The following XXYLT1 variants were observed in gnomAD, a reference collection of about 807,000 sequenced individuals.
XXYLT1 encodes UDP-xylose:alpha-xyloside alpha-1,3-xylosyltransferase.
In XXYLT1, 20 loss-of-function variants were observed where a neutral mutation model predicts 28.9. That is an observed-to-expected ratio of 0.69 (90% CI 0.49 to 1.00). XXYLT1 has a LOEUF of 1.00. XXYLT1 is among the 50% of genes least tolerant of loss of function. XXYLT1 has a pLI of 0.00. For missense variants in XXYLT1, 542 were observed against 560.1 expected (o/e 0.97, Z 0.33); for synonymous variants, 257 against 253.8 (o/e 1.01, Z -0.12).
chr3:195,248,747 G>A (rs1006583140), intron 1 of XXYLT1, among the ~76,000 whole-genome samples: 18 of 152,126 alleles, frequency 1.2e-4, no homozygotes, highest in Admixed American at 3.3e-4. Flanking sequence ...GTGAAACGCC[G>A]TCTCTACTAA....
intron 2 of XXYLT1, among the ~76,000 whole-genome samples, chr3:195,158,963 T>G (rs751143893): frequency 6.6e-6 from 1 of 152,168 alleles, no homozygotes; most frequent in Non-Finnish European, 1.5e-5. Context: ...CACAGAACGC[T>G]GAAGGCTTTG....
chr3:195,243,300 G>A (rs1163343097), intron 1 of XXYLT1, among the ~76,000 whole-genome samples: 1 of 151,250 alleles, frequency 6.6e-6, no homozygotes, highest in Non-Finnish European at 1.5e-5. Context: ...CATGGCACAT[G>A]TATACATATG....
chr3:195,226,590 C>G, intron 2 of XXYLT1, 119 bp downstream of exon 2: 1 of 1,345,544 alleles, frequency 7.4e-7, no homozygotes, highest in Non-Finnish European at 1.0e-6. Flanking sequence ...CCCTCGTCCA[C>G]TCTTTCATGT....
chr3:195,131,569 T>C (rs1056748290), intron 3 of XXYLT1, among the ~76,000 whole-genome samples: 12 of 152,216 alleles, frequency 7.9e-5, no homozygotes, highest in African/African-American at 2.9e-4. Flanking sequence ...TAGGACACTT[T>C]TCCCGCTCTC....
intron 3 of XXYLT1, among the ~76,000 whole-genome samples, chr3:195,130,635 G>A (rs1718857393): frequency 6.6e-6 from 1 of 152,168 alleles, no homozygotes; most frequent in African/African-American, 2.4e-5. Flanking sequence ...CCAGAGTTGG[G>A]GAAGGACATG....
intron 1 of XXYLT1, among the ~76,000 whole-genome samples, chr3:195,227,208 T>C (rs60999733): frequency 0.062 from 9,455 of 152,198 alleles, 1,014 homozygotes; most frequent in African/African-American, 0.21. Flanking sequence ...GGTAGCTCTG[T>C]GCCCAGCGAC....
chr3:195,254,808 G>A (rs1725414826), intron 1 of XXYLT1, among the ~76,000 whole-genome samples: 1 of 152,252 alleles, frequency 6.6e-6, no homozygotes, highest in Admixed American at 6.5e-5. Context: ...TGCACATTCA[G>A]TCACTTAACG....
chr3:195,158,110 G>A (rs1000924228), intron 2 of XXYLT1, among the ~76,000 whole-genome samples: 1 of 152,220 alleles, frequency 6.6e-6, no homozygotes, highest in Non-Finnish European at 1.5e-5. Flanking sequence ...GAAGGGCCGT[G>A]CATTTAGTCA....
chr3:195,179,684 G>A (rs1053280345), intron 2 of XXYLT1, among the ~76,000 whole-genome samples: 4 of 151,718 alleles, frequency 2.6e-5, no homozygotes, highest in Admixed American at 6.6e-5. Context: ...GAAACAAACC[G>A]GAGGCAAACA....
chr3:195,144,038 C>T (rs1039374645), intron 3 of XXYLT1, among the ~76,000 whole-genome samples: 34 of 149,000 alleles, frequency 2.3e-4, no homozygotes, highest in African/African-American at 8.3e-4. Flanking sequence ...GGATTACAGG[C>T]ACCCGCCACC....
At chr3:195,155,397 G>A (rs543808806) in intron 3 of XXYLT1, among the ~76,000 whole-genome samples, 32 of 152,282 alleles carry the variant, frequency 2.1e-4, no homozygotes, top group African/African-American at 5.3e-4. Flanking sequence ...AGCCCTTTCC[G>A]AACAAACTCG....
Position 195,270,552 on chromosome 3 carries a change from C to A in XXYLT1, c.504+3G>T. The A allele has an allele frequency of 7.2e-7, 1 of 1,388,020 alleles. No individual in the cohort carries two copies. Among genetic ancestry groups the A allele is most frequent in the South Asian group, 1.6e-5 (1 of 62,694 alleles). The allele number at this position is 1,388,020 out of a possible 1,614,324, so 86.0% of individuals were successfully genotyped here. A position where few individuals can be genotyped will look rare whatever the true frequency, so the allele number is the denominator to read the frequency against. On this transcript the variant is annotated splice_donor_region_variant and intron_variant, in intron 1 of 3. Transcript: ENST00000310380. ...CGGGAGCCCCCAGCCGCGGCCCGCTCACCTTGCACTTGAAGCCAGCGGCGG... is the reference window on the plus strand; with the variant it reads ...CGGGAGCCCCCAGCCGCGGCCCGCTAACCTTGCACTTGAAGCCAGCGGCGG...
At chr3:195,201,459 C>T (rs940654181) in intron 2 of XXYLT1, among the ~76,000 whole-genome samples, 1 of 152,226 alleles carries the variant, frequency 6.6e-6, no homozygotes, top group African/African-American at 2.4e-5. Flanking sequence ...CCTGTGCCAA[C>T]AAAAGCAAGA....
At chr3:195,098,104 C>T (rs1200868296) in intron 3 of XXYLT1, among the ~76,000 whole-genome samples, 1 of 152,136 alleles carries the variant, frequency 6.6e-6, no homozygotes, top group African/African-American at 2.4e-5. Flanking sequence ...GGCACGCTCA[C>T]AGGCAGGTTA....
At chr3:195,186,283 G>T (rs1448925341) in intron 2 of XXYLT1, among the ~76,000 whole-genome samples, 2 of 152,290 alleles carry the variant, frequency 1.3e-5, no homozygotes, top group South Asian at 2.1e-4. Context: ...ACAGAAGAAC[G>T]CATGCAAAAG....
At chr3:195,231,368 T>C (rs539412224) in intron 1 of XXYLT1, among the ~76,000 whole-genome samples, 2 of 152,264 alleles carry the variant, frequency 1.3e-5, no homozygotes, top group East Asian at 3.9e-4. Flanking sequence ...CCCATTTGGA[T>C]AGGCTTTATG....
intron 2 of XXYLT1, among the ~76,000 whole-genome samples, chr3:195,164,797 G>A (rs192380241): frequency 6.6e-4 from 100 of 152,356 alleles, no homozygotes; most frequent in African/African-American, 2.4e-3. Context: ...CATGATGGAT[G>A]TGGACGCTTA....
Position 195,259,724 on chromosome 3 carries a change from C to A in XXYLT1, c.504+10831G>T, listed in dbSNP as rs114426903. The A allele has an allele frequency of 4.0e-4, 384 of 971,688 alleles. 1 individual carries two copies. In the African/African-American group the frequency reaches 5.6e-3, roughly 14 times the overall value. 60.2% of individuals were successfully genotyped at this position (971,688 alleles called of 1,614,324 possible). On this transcript the variant is annotated intron_variant, in intron 1 of 3. Coordinates refer to ENST00000310380, the MANE Select transcript of XXYLT1 (RefSeq NM_152531.5). Reference sequence around the variant, plus strand: ...CCCAGCACCAGGGCGGCCCCCGGAGCCGGCCTCTGGCGGCCTCGGGTCTTT... The same window carrying A: ...CCCAGCACCAGGGCGGCCCCCGGAGACGGCCTCTGGCGGCCTCGGGTCTTT...
chr3:195,072,401 G>A (rs1030544281), intron 3 of XXYLT1, among the ~76,000 whole-genome samples: 7 of 152,306 alleles, frequency 4.6e-5, no homozygotes, highest in Non-Finnish European at 7.4e-5. Flanking sequence ...AACCTCGGCA[G>A]GAACGCTCCC....
Sources: allele counts gnomAD v4.1 joint callset (sites outside exome capture counted in the v4.1 genomes callset), GRCh38; gene constraint gnomAD v4.1.1; transcripts MANE v1.5; gene names NCBI Gene and HGNC (gene_info 2026-07-23, HGNC 2026-07-21).